The following RPL31 variants were observed in gnomAD, a reference collection of about 807,000 sequenced individuals.
RPL31 encodes large ribosomal subunit protein eL31.
For missense variants in RPL31, 95 were observed against 164.0 expected (o/e 0.58, Z 2.30); for synonymous variants, 51 against 55.0 (o/e 0.93, Z 0.32).
rs1354577477 is a variant in RPL31, at chr2:101,006,968, A to C, written c.*587A>C. The C allele has an allele frequency of 6.6e-6, 1 of 152,284 alleles. No homozygotes were observed. Among genetic ancestry groups the C allele is most frequent in the Non-Finnish European group, 1.5e-5 (1 of 68,090 alleles). 9.4% of individuals were successfully genotyped at this position (152,284 alleles called of 1,614,324 possible). A position where few individuals can be genotyped will look rare whatever the true frequency, so the allele number is the denominator to read the frequency against. On this transcript the variant is annotated 3_prime_UTR_variant, in exon 5 of 5. Coordinates refer to ENST00000264258, the MANE Select transcript of RPL31 (RefSeq NM_000993.5). ...AGTTCCTTAAGGTATCAATAACAAA[A>C]ATTTGTATTAATAGTTCAGTCCTAA...
At chr2:101,014,169 T>A (rs570723790) in intron 4 of RPL31, among the ~76,000 whole-genome samples, 2 of 152,264 alleles carry the variant, frequency 1.3e-5, no homozygotes, top group South Asian at 4.1e-4. Flanking sequence ...TTGAAAAGGG[T>A]CTGAGGCAGT....
chr2:101,008,420 C>G, downstream of RPL31: 1 of 686,514 alleles, frequency 1.5e-6, no homozygotes, highest in Non-Finnish European at 2.3e-6. Context: ...CCTTTCCACT[C>G]TAAACTATTA....
chr2:101,011,510 G>T, downstream of RPL31: 1 of 1,613,920 alleles, frequency 6.2e-7, no homozygotes, highest in South Asian at 1.1e-5. Flanking sequence ...CCTCAACGGC[G>T]ACTGGCTGTC....
intron 4 of RPL31, among the ~76,000 whole-genome samples, chr2:101,017,505 C>T (rs1000494114): frequency 2.6e-5 from 4 of 152,172 alleles, no homozygotes; most frequent in Admixed American, 6.5e-5. Flanking sequence ...TTTTCAGTCT[C>T]GCTGTAATCC....
chr2:101,006,124 C>T (rs373718787), intron 4 of RPL31, 53 bp downstream of exon 4: 3 of 1,586,508 alleles, frequency 1.9e-6, no homozygotes, highest in Admixed American at 3.6e-5. Flanking sequence ...AATGTCCTTA[C>T]CTCTTAAAAT....
downstream of RPL31, chr2:101,007,907 C>T: frequency 6.2e-7 from 1 of 1,613,996 alleles, no homozygotes. Context: ...TTGGCATTTT[C>T]AAGTTTGGAT....
intron 4 of RPL31, 75 bp from the exon 5 acceptor site, chr2:101,006,275 G>C: frequency 6.3e-7 from 1 of 1,575,160 alleles, no homozygotes; most frequent in East Asian, 2.3e-5. Context: ...GCCCAGACCC[G>C]TCTACAAAAG....
Position 101,006,332 on chromosome 2 carries a change from CT to C in RPL31, c.347-17del. ...AATGTGATGTGGGTATGGAAATTGA[CT>C]GTTACTTCCTTTACAGATCTACAGA... On this transcript the variant is annotated splice_polypyrimidine_tract_variant and intron_variant, in intron 4 of 4. Transcript: ENST00000264258. 6.2e-7 allele frequency: 1 copy of C among 1,607,180 alleles called. No individual in the cohort carries two copies. Among genetic ancestry groups the C allele is most frequent in the South Asian group, 1.1e-5 (1 of 89,466 alleles).
chr2:101,015,461 AC>A (rs1366271834), intron 4 of RPL31, among the ~76,000 whole-genome samples: 2 of 152,228 alleles, frequency 1.3e-5, no homozygotes, highest in South Asian at 2.1e-4. Flanking sequence ...GCTTACTGTA[AC>A]TTTTTACTTT....
At chr2:101,017,914 A>T (rs1250550591) in intron 4 of RPL31, 1 of 1,550,792 alleles carries the variant, frequency 6.4e-7, no homozygotes, top group Non-Finnish European at 8.7e-7. Flanking sequence ...GAGAAACCGA[A>T]CAAGAAGAGG....
chr2:101,006,754 ATCTGTAGCATCTTAAAGGTAATG>A lies in RPL31; in HGVS notation c.*374_*396del. On this transcript the variant is annotated 3_prime_UTR_variant, in exon 5 of 5. Coordinates refer to ENST00000264258, the MANE Select transcript of RPL31 (RefSeq NM_000993.5). ...AAAATGATATACTATCTATCTATCTATCTGTAGCATCTTAAAGGTAATGAAATTAATGTGGCAGTAGGTCTTTT... is the reference window on the plus strand; with the variant it reads ...AAAATGATATACTATCTATCTATCTAAAATTAATGTGGCAGTAGGTCTTTT... The A allele has an allele frequency of 5.3e-6, 1 of 187,684 alleles. No homozygotes were observed. Among genetic ancestry groups the A allele is most frequent in the Non-Finnish European group, 1.1e-5 (1 of 92,348 alleles). The allele number at this position is 187,684 out of a possible 1,614,324, so 11.6% of individuals were successfully genotyped here. A position where few individuals can be genotyped will look rare whatever the true frequency, so the allele number is the denominator to read the frequency against.
In RPL31 at chr2:101,004,141, TTA is replaced by T. The variant is rs1468296195; in HGVS notation, c.108-15_108-14del. 6.2e-7 allele frequency: 1 copy of T among 1,612,098 alleles called. No homozygotes were observed. Among genetic ancestry groups the T allele is most frequent in the South Asian group, 1.1e-5 (1 of 90,672 alleles). ...TTTTGTGCTCCTTTAATTTGTTCAC[TTA>T]TGTTTGAATCGTAGGGGCTTCAAGA... On this transcript the variant is annotated splice_polypyrimidine_tract_variant and intron_variant, in intron 2 of 4. Coordinates refer to ENST00000264258, the MANE Select transcript of RPL31 (RefSeq NM_000993.5).
chr2:101,019,067 C>G, exon 5 of RPL31: 1 of 1,602,508 alleles, frequency 6.2e-7, no homozygotes, highest in Non-Finnish European at 8.5e-7. Context: ...TGGATGAGGC[C>G]TTGGGTCTCG....
intron 3 of RPL31, chr2:101,005,505 T>A (rs764306868): frequency 3.2e-5 from 5 of 156,634 alleles, no homozygotes; most frequent in Non-Finnish European, 7.0e-5. Context: ...GAGAGGGGTT[T>A]TACCATGTTG....
rs1364450582 is a variant in RPL31 at position 101,013,498 on chromosome 2, A to G, written c.347-5500A>G. Among the ~76,000 whole-genome samples, 15 of 152,222 alleles carry G rather than the reference A, an allele frequency of 9.9e-5. No individual in the cohort carries two copies. In the East Asian group the frequency reaches 2.9e-3, roughly 29 times the overall value. ...GTGTTCATTGTGTCTCACTTCAAGT[A>G]CTACCCAAGTTAAAATAAGATAAAG... On this transcript the variant is annotated intron_variant, in intron 4 of 4. Transcript: ENST00000409028.
At chr2:101,010,892 A>G (rs778558336), downstream of RPL31, 63 of 1,577,734 alleles carry the variant, frequency 4.0e-5, no homozygotes, top group Admixed American at 1.1e-3. Flanking sequence ...AAAAAAAAAA[A>G]AAAAAGTTAA....
Position 101,004,328 on chromosome 2 carries a change from C to A in RPL31, c.233+45C>A, listed in dbSNP as rs753646924. On this transcript the variant is annotated intron_variant, in intron 3 of 4. Coordinates refer to ENST00000264258, the MANE Select transcript of RPL31 (RefSeq NM_000993.5). ...TCGAAGGTGAACTTTTGCAATGACA[C>A]CAGCTTCACTTAACCCTGCAAGAGC... The A allele has an allele frequency of 4.4e-6, 7 of 1,608,276 alleles. No homozygotes were observed. The South Asian group carries it at 6.6e-5, about 15-fold the overall frequency.
rs909795970 is a variant in RPL31 at position 101,002,509 on chromosome 2, G to A, written c.1-193G>A. ...GACCAGGCTTAGGGGAGCCGGAGCG[G>A]CAGGGATTTCCGGGTCGGAGGCATC... On this transcript the variant is annotated intron_variant, in intron 1 of 4. Transcript: ENST00000264258. The A allele has an allele frequency of 9.8e-6, 6 of 613,732 alleles. No individual in the cohort carries two copies. The East Asian group carries it at 1.4e-4, about 14-fold the overall frequency. 38.0% of individuals were successfully genotyped at this position (613,732 alleles called of 1,614,324 possible).
downstream of RPL31, chr2:101,010,917 GAA>G (rs1488113203): frequency 5.0e-6 from 8 of 1,589,406 alleles, no homozygotes; most frequent in Non-Finnish European, 6.0e-6. Flanking sequence ...CTGCACTGAA[GAA>G]AGTCCATACC....
Sources: allele counts gnomAD v4.1 joint callset (sites outside exome capture counted in the v4.1 genomes callset), GRCh38; gene constraint gnomAD v4.1.1; transcripts MANE v1.5; gene names NCBI Gene and HGNC (gene_info 2026-07-23, HGNC 2026-07-21).